The following ERC2 variants were observed in gnomAD, a reference collection of about 807,000 sequenced individuals.
ERC2 encodes the protein ELKS/RAB6-interacting/CAST family member 2, also known as ERC protein 2.
Under a neutral mutation model 114.8 loss-of-function variants are expected in ERC2, and 42 were observed. The ratio of observed to expected loss-of-function variants is 0.37; its 90% CI spans 0.29 to 0.47. The LOEUF is 0.47. Ranked by LOEUF, ERC2 falls within the 20% of genes least tolerant of loss-of-function variation. The probability of loss-of-function intolerance (pLI) is 0.99; values close to 1 mark genes in which losing one functional copy is unlikely to be tolerated. For missense variants in ERC2, 939 were observed against 1,150.7 expected (o/e 0.82, Z 2.66); for synonymous variants, 454 against 425.5 (o/e 1.07, Z -0.82).
chr3:55,828,705 A>G (rs1310491484), intron 14 of ERC2, among the ~76,000 whole-genome samples: 1 of 152,186 alleles, frequency 6.6e-6, no homozygotes, highest in East Asian at 1.9e-4. Flanking sequence ...TTGAAAACTT[A>G]ATGGACACTG....
chr3:55,949,545 C>G (rs1369099139), intron 13 of ERC2, among the ~76,000 whole-genome samples: 1 of 150,018 alleles, frequency 6.7e-6, no homozygotes, highest in Non-Finnish European at 1.5e-5. Context: ...GTGCCATGCT[C>G]TATGCAAGGT....
chr3:56,405,266 C>T, intron 2 of ERC2, among the ~76,000 whole-genome samples: 1 of 151,972 alleles, frequency 6.6e-6, no homozygotes, highest in East Asian at 1.9e-4. Context: ...CAACATAGTG[C>T]AACCTTATCT....
intron 3 of ERC2, among the ~76,000 whole-genome samples, chr3:56,205,448 T>G (rs2048667265): frequency 6.6e-6 from 1 of 152,186 alleles, no homozygotes; most frequent in Non-Finnish European, 1.5e-5. Flanking sequence ...CTCTAGCATC[T>G]GATTAATGTC....
intron 7 of ERC2, among the ~76,000 whole-genome samples, chr3:56,040,144 G>A (rs576757043): frequency 8.2e-4 from 124 of 152,144 alleles, no homozygotes; most frequent in Middle Eastern, 3.4e-3. Flanking sequence ...AGGCAAATGG[G>A]ATTGCATCAA....
chr3:55,613,918 G>A (rs899690266), intron 17 of ERC2, among the ~76,000 whole-genome samples: 1 of 147,026 alleles, frequency 6.8e-6, no homozygotes, highest in African/African-American at 2.5e-5. Context: ...AGGAGGCAGA[G>A]GTTGCAGTAA....
intron 17 of ERC2, among the ~76,000 whole-genome samples, chr3:55,571,481 C>T (rs1171454255): frequency 1.3e-5 from 2 of 152,162 alleles, no homozygotes; most frequent in Non-Finnish European, 2.9e-5. Context: ...GCCCCAATCA[C>T]CCTGGGACCA....
intron 6 of ERC2, among the ~76,000 whole-genome samples, chr3:56,098,418 A>G (rs4974118): frequency 0.011 from 1,651 of 152,268 alleles, 111 homozygotes; most frequent in Admixed American, 0.087. Context: ...CCTGCCAGGA[A>G]GGACATAAAT....
intron 2 of ERC2, among the ~76,000 whole-genome samples, chr3:56,367,623 T>A (rs748152748): frequency 6.6e-6 from 1 of 152,170 alleles, no homozygotes; most frequent in East Asian, 1.9e-4. Context: ...AATGAAGAGC[T>A]AGCAACTATT....
intron 4 of ERC2, among the ~76,000 whole-genome samples, chr3:56,156,073 G>T (rs557725351): frequency 6.6e-6 from 1 of 152,094 alleles, no homozygotes; most frequent in African/African-American, 2.4e-5. Context: ...ACCAGATGCC[G>T]AAATGAAATT....
chr3:56,238,313 C>G (rs745498414), intron 3 of ERC2, among the ~76,000 whole-genome samples: 4 of 152,182 alleles, frequency 2.6e-5, no homozygotes, highest in Non-Finnish European at 5.9e-5. Flanking sequence ...GACAGGATCC[C>G]CCAGATAACT....
At chr3:55,955,500 C>A (rs549535559) in intron 12 of ERC2, among the ~76,000 whole-genome samples, 1 of 152,110 alleles carries the variant, frequency 6.6e-6, no homozygotes, top group South Asian at 2.1e-4. Context: ...CGTACATAAC[C>A]TTTTGTATCT....
At chr3:56,211,363 T>C (rs545377263) in intron 3 of ERC2, among the ~76,000 whole-genome samples, 10 of 152,000 alleles carry the variant, frequency 6.6e-5, no homozygotes, top group African/African-American at 2.2e-4. Context: ...CTGTGAACAA[T>C]TAAAATAAAA....
chr3:55,723,524 T>C (rs555316789), intron 15 of ERC2, among the ~76,000 whole-genome samples: 29 of 152,042 alleles, frequency 1.9e-4, no homozygotes, highest in African/African-American at 6.3e-4. Flanking sequence ...TTCTGGAACT[T>C]TTAGTGTGTT....
At chr3:56,308,894 A>T (rs1339434616) in intron 2 of ERC2, among the ~76,000 whole-genome samples, 1 of 152,114 alleles carries the variant, frequency 6.6e-6, no homozygotes, top group African/African-American at 2.4e-5. Context: ...GGCCTGCTTT[A>T]CTTCTCCTGT....
intron 2 of ERC2, among the ~76,000 whole-genome samples, chr3:56,408,096 C>G (rs897627460): frequency 2.0e-5 from 3 of 152,138 alleles, no homozygotes; most frequent in Non-Finnish European, 4.4e-5. Context: ...GAAATAATGT[C>G]CACCTCACCC....
At chr3:55,698,851 C>A (rs763473928) in intron 16 of ERC2, among the ~76,000 whole-genome samples, 1 of 152,140 alleles carries the variant, frequency 6.6e-6, no homozygotes. Flanking sequence ...TTTTCACATG[C>A]GTTACTTAGT....
intron 17 of ERC2, among the ~76,000 whole-genome samples, chr3:55,548,189 C>A (rs1261537505): frequency 6.6e-6 from 1 of 152,242 alleles, no homozygotes; most frequent in Non-Finnish European, 1.5e-5. Context: ...GGGTTACCAG[C>A]TGATGTGAAT....
intron 17 of ERC2, among the ~76,000 whole-genome samples, chr3:55,582,748 T>C (rs1054388782): frequency 2.0e-5 from 3 of 152,222 alleles, no homozygotes; most frequent in African/African-American, 7.2e-5. Context: ...CAGGATCATA[T>C]AAGAAGTAGC....
chr3:55,930,178 G>A lies in ERC2; in HGVS notation c.2403+20247C>T, dbSNP rs150833498. ...TGCTTGACCCTGGGAGGCAGAGGAC[G>A]CAGTGAGCTGAGATGGCACCACTGC... On this transcript the variant is annotated intron_variant, in intron 13 of 17. Transcript: ENST00000288221. Among the ~76,000 whole-genome samples, 1,144 of 152,278 alleles carry A rather than the reference G, an allele frequency of 7.5e-3. 16 individuals carry two copies. The highest frequency in any genetic ancestry group is 0.026 in the African/African-American group (1,071 of 41,536).
Sources: gnomAD v4.1 joint callset for allele counts (sites outside exome capture counted in the v4.1 genomes callset) on GRCh38, gnomAD v4.1.1 for gene constraint, MANE v1.5 for transcripts, NCBI Gene and HGNC (gene_info 2026-07-23, HGNC 2026-07-21) for gene names.